Variants in DLG2 observed in about 807,000 individuals in gnomAD.
DLG2 encodes discs large MAGUK scaffold protein 2.
A neutral mutation model predicts 132.5 loss-of-function variants in DLG2; 45 were observed. That is an observed-to-expected ratio of 0.34 (90% CI 0.27 to 0.44). DLG2 has a LOEUF of 0.44. DLG2 is among the 20% of genes least tolerant of loss of function. The pLI, the probability that DLG2 is intolerant of heterozygous loss-of-function variation, is 1.00. For missense variants in DLG2, 1,045 were observed against 1,196.9 expected (o/e 0.87, Z 1.87); for synonymous variants, 424 against 419.6 (o/e 1.01, Z -0.13).
chr11:84,224,238 G>C (rs1421523068), intron 8 of DLG2, among the ~76,000 whole-genome samples: 2 of 152,202 alleles, frequency 1.3e-5, no homozygotes, highest in African/African-American at 4.8e-5. Flanking sequence ...TCCAGGCATT[G>C]ACTGAAGTTG....
intron 6 of DLG2, among the ~76,000 whole-genome samples, chr11:84,974,767 T>C (rs2054625741): frequency 1.3e-5 from 2 of 152,314 alleles, no homozygotes; most frequent in East Asian, 1.9e-4. Flanking sequence ...TCAGAAACTA[T>C]GGGGTTAGGA....
rs547672224 is a variant in DLG2 at position 83,772,796 on chromosome 11, A to G, written c.1825+13894T>C. 1.1e-4 allele frequency among the ~76,000 whole-genome samples: 17 copies of G among 152,278 alleles called. No homozygotes were observed. In the East Asian group the frequency reaches 3.1e-3, roughly 28 times the overall value. On this transcript the variant is annotated intron_variant, in intron 18 of 27. Coordinates refer to ENST00000376104, the MANE Select transcript of DLG2 (RefSeq NM_001142699.3). ...TTTTTTTCTTCTTTAAAATAATACC[A>G]ATAAGATTTACCTGTATTCCTCTAT...
At chr11:85,338,500 T>G (rs2082276476) in intron 3 of DLG2, among the ~76,000 whole-genome samples, 1 of 152,232 alleles carries the variant, frequency 6.6e-6, no homozygotes, top group African/African-American at 2.4e-5. Flanking sequence ...GATATTCCTT[T>G]GTGGGTTCAA....
intron 19 of DLG2, among the ~76,000 whole-genome samples, chr11:83,563,030 A>G (rs1347493250): frequency 7.6e-6 from 1 of 132,250 alleles, no homozygotes; most frequent in Non-Finnish European, 1.5e-5. Flanking sequence ...GCTGGAGTGC[A>G]GTGGCTCGAT....
intron 2 of DLG2, chr11:85,625,360 A>G (rs910093998): frequency 2.6e-5 from 4 of 152,218 alleles, no homozygotes; most frequent in African/African-American, 4.8e-5. Flanking sequence ...AGATAAACCA[A>G]TTGTGTCTGG....
At chr11:83,936,711 T>G (rs2154135273) in intron 14 of DLG2, among the ~76,000 whole-genome samples, 1 of 152,314 alleles carries the variant, frequency 6.6e-6, no homozygotes, top group Non-Finnish European at 1.5e-5. Context: ...AAAAAGTGTT[T>G]GGGTTTCAAC....
At chr11:85,080,007 C>T (rs2067038475) in intron 6 of DLG2, among the ~76,000 whole-genome samples, 1 of 152,028 alleles carries the variant, frequency 6.6e-6, no homozygotes, top group Non-Finnish European at 1.5e-5. Context: ...TGGAAAGGGG[C>T]CATGTAAAAA....
intron 8 of DLG2, among the ~76,000 whole-genome samples, chr11:84,223,978 C>G (rs943843098): frequency 6.6e-6 from 1 of 152,186 alleles, no homozygotes. Context: ...TGGAGGCCTG[C>G]CTTTCCACTC....
At chr11:83,819,162 C>T (rs1039980629) in intron 17 of DLG2, among the ~76,000 whole-genome samples, 2 of 151,872 alleles carry the variant, frequency 1.3e-5, no homozygotes, top group Admixed American at 1.3e-4. Flanking sequence ...GGAGGCAGAC[C>T]CTCCGCCAAA....
At chr11:84,610,188 T>C (rs2099592903) in intron 6 of DLG2, among the ~76,000 whole-genome samples, 4 of 152,110 alleles carry the variant, frequency 2.6e-5, no homozygotes, top group South Asian at 4.1e-4. Context: ...ATGCCACCTC[T>C]GAATATTGCC....
At chr11:84,848,081 C>T (rs1049963488) in intron 6 of DLG2, among the ~76,000 whole-genome samples, 12 of 152,044 alleles carry the variant, frequency 7.9e-5, no homozygotes, top group Admixed American at 2.0e-4. Flanking sequence ...CAGAGAACAG[C>T]GAAAAGAACT....
At chr11:84,067,411 T>G (rs942133482) in intron 10 of DLG2, among the ~76,000 whole-genome samples, 1 of 152,132 alleles carries the variant, frequency 6.6e-6, no homozygotes, top group Non-Finnish European at 1.5e-5. Context: ...TCAATTATAA[T>G]GAAAACAGAA....
chr11:85,583,023 G>C (rs2078659605), intron 3 of DLG2, among the ~76,000 whole-genome samples: 1 of 140,202 alleles, frequency 7.1e-6, no homozygotes, highest in East Asian at 2.0e-4. Context: ...CTAGAACCTG[G>C]GGAATCAAGA....
intron 2 of DLG2, among the ~76,000 whole-genome samples, chr11:85,615,508 T>G (rs914600401): frequency 1.3e-5 from 2 of 151,806 alleles, no homozygotes; most frequent in African/African-American, 2.4e-5. Context: ...CAGAGCAAGA[T>G]TCCATCTCAA....
chr11:84,343,875 C>T (rs903588486), intron 7 of DLG2, among the ~76,000 whole-genome samples: 2 of 152,012 alleles, frequency 1.3e-5, no homozygotes, highest in Non-Finnish European at 2.9e-5. Flanking sequence ...AATATTATTT[C>T]TTCCACATGA....
chr11:83,678,552 G>C (rs2078173027), intron 18 of DLG2, among the ~76,000 whole-genome samples: 2 of 152,120 alleles, frequency 1.3e-5, no homozygotes, highest in Non-Finnish European at 2.9e-5. Flanking sequence ...CAAATAGAAG[G>C]CTCTTGGTTT....
At chr11:85,152,169 A>G (rs568339433) in intron 5 of DLG2, among the ~76,000 whole-genome samples, 18 of 152,288 alleles carry the variant, frequency 1.2e-4, no homozygotes, top group African/African-American at 4.1e-4. Flanking sequence ...GAAATTCTCT[A>G]AAGTACATGA....
At chr11:83,558,773 C>T (rs1327050348) in intron 19 of DLG2, among the ~76,000 whole-genome samples, 1 of 151,920 alleles carries the variant, frequency 6.6e-6, no homozygotes, top group African/African-American at 2.4e-5. Flanking sequence ...AAAGCTTCTA[C>T]TTTCATGTTA....
At chr11:85,349,672 T>C (rs1257833110) in intron 3 of DLG2, among the ~76,000 whole-genome samples, 1 of 152,178 alleles carries the variant, frequency 6.6e-6, no homozygotes, top group Admixed American at 6.5e-5. Context: ...TTTGGTTTTC[T>C]GTCATTGTGA....
Sources: allele counts gnomAD v4.1 joint callset (sites outside exome capture counted in the v4.1 genomes callset), GRCh38; gene constraint gnomAD v4.1.1; transcripts MANE v1.5; gene names NCBI Gene and HGNC (gene_info 2026-07-23, HGNC 2026-07-21).